The following ZFAT variants were observed in gnomAD, a reference collection of about 807,000 sequenced individuals.
The protein encoded by ZFAT is zinc finger and AT-hook domain containing.
ZFAT carries 64 observed loss-of-function variants against 117.7 expected under a neutral mutation model. The ratio of observed to expected loss-of-function variants is 0.54; its 90% CI spans 0.44 to 0.67. ZFAT has a LOEUF of 0.67. Ranked by LOEUF, ZFAT falls within the 30% of genes least tolerant of loss-of-function variation. The pLI is 0.00. For synonymous variants in ZFAT, 679 were observed against 615.0 expected, an observed-to-expected ratio of 1.10 and a Z score of -1.54; for missense variants, 1,433 against 1,584.5, an observed-to-expected ratio of 0.90 and a Z score of 1.62.
chr8:134,755,245 A>C, the ZFAT span, among the ~76,000 whole-genome samples: 1 of 121,826 alleles, frequency 8.2e-6, no homozygotes, highest in Non-Finnish European at 1.8e-5. Flanking sequence ...CTCTACTAAA[A>C]TACAAAAAAA....
At chr8:134,663,259 G>A (rs866033440) in intron 1 of ZFAT, among the ~76,000 whole-genome samples, 3 of 152,194 alleles carry the variant, frequency 2.0e-5, no homozygotes, top group African/African-American at 7.2e-5. Context: ...TACAGCCACT[G>A]AAAATCATAT....
At chr8:134,710,265 G>C (rs111314229) in intron 1 of ZFAT, among the ~76,000 whole-genome samples, 7 of 152,216 alleles carry the variant, frequency 4.6e-5, no homozygotes, top group Non-Finnish European at 1.0e-4. Flanking sequence ...CCAGAGGATA[G>C]GAAGGAAGGG....
chr8:134,781,934 G>A, the ZFAT span, among the ~76,000 whole-genome samples: 2 of 152,212 alleles, frequency 1.3e-5, no homozygotes, highest in Non-Finnish European at 2.9e-5. Flanking sequence ...CCAAGTATGT[G>A]TTAATAGACT....
At chr8:134,552,974 C>A (rs1823289006) in intron 11 of ZFAT, among the ~76,000 whole-genome samples, 2 of 152,240 alleles carry the variant, frequency 1.3e-5, no homozygotes, top group Admixed American at 1.3e-4. Flanking sequence ...AAAGGGCAAA[C>A]TTCCTCCAGT....
intron 11 of ZFAT, among the ~76,000 whole-genome samples, chr8:134,543,772 G>A (rs756536315): frequency 6.6e-6 from 1 of 152,068 alleles, no homozygotes; most frequent in Non-Finnish European, 1.5e-5. Flanking sequence ...AGTTGATCAC[G>A]TTGGATTCAA....
chr8:134,712,821 ACCCC>A lies in ZFAT; in HGVS notation c.19+20_19+23del. 4 of 669,026 alleles carry A rather than the reference ACCCC, an allele frequency of 6.0e-6. No homozygotes were observed. Among genetic ancestry groups the A allele is most frequent in the Non-Finnish European group, 8.0e-6 (4 of 497,704 alleles). The allele number at this position is 669,026 out of a possible 1,614,324, so 41.4% of individuals were successfully genotyped here. ...CCGCGCCCCACCCCCACCCCGTCTC[ACCCC>A]AACCCCCAGCCCGGCTCACCTGCCG... On this transcript the variant is annotated intron_variant, in intron 1 of 15. Transcript: ENST00000377838.
the ZFAT span, chr8:134,796,270 C>T: frequency 3.9e-5 from 6 of 152,276 alleles, no homozygotes; most frequent in East Asian, 1.9e-4. Flanking sequence ...AATCACAAAC[C>T]GCTAACTGCT....
At chr8:134,582,742 A>C (rs1825793418) in intron 10 of ZFAT, among the ~76,000 whole-genome samples, 1 of 152,086 alleles carries the variant, frequency 6.6e-6, no homozygotes, top group Non-Finnish European at 1.5e-5. Flanking sequence ...AGCTCACCTG[A>C]ATACTTGCCA....
chr8:134,602,487 C>T lies in ZFAT; in HGVS notation c.1232G>A (p.Arg411His), dbSNP rs780842427. The change falls in exon 6 of 16, where the codon CGC becomes CAC. Residue 411 changes from arginine to histidine, a missense_variant. Arg to His is a conservative substitution (Grantham distance 29). Around this residue, in one of 5 missense-constraint regions of ZFAT, gnomAD observed 73 missense variants for 122.0 expected, o/e 0.60. Transcript: ENST00000377838. ...QLLYDCHICE[R>H]KFKNELDRDR... ...ACGGTCCAGCTCGTTCTTGAACTTG[C>T]GCTCACAGATGTGGCAGTCATAGAG... is the stretch of plus-strand genomic sequence containing the variant. 6 of 1,613,692 alleles carry T rather than the reference C, an allele frequency of 3.7e-6. No individual in the cohort carries two copies. Among genetic ancestry groups the T allele is most frequent in the East Asian group, 2.2e-5 (1 of 44,888 alleles).
At chr8:134,697,078 T>C (rs377039869) in intron 1 of ZFAT, among the ~76,000 whole-genome samples, 1 of 151,124 alleles carries the variant, frequency 6.6e-6, no homozygotes, top group African/African-American at 2.4e-5. Flanking sequence ...CCGCCACATC[T>C]GGCTAATTGT....
rs137893663 is a variant in ZFAT, at chr8:134,640,394, G to A, written c.197-2682C>T. On this transcript the variant is annotated intron_variant, in intron 2 of 15. Transcript: ENST00000377838. ...TTGAGTTTGGCAAACTTACTATTGC[G>A]GGGTAGCCAGTGTTTTCTCCACACA... 3.2e-3 allele frequency among the ~76,000 whole-genome samples: 490 copies of A among 152,242 alleles called. 2 individuals carry two copies. Among genetic ancestry groups the A allele is most frequent in the African/African-American group, 0.011 (443 of 41,550 alleles).
the ZFAT span, among the ~76,000 whole-genome samples, chr8:134,831,155 T>C: frequency 6.6e-6 from 1 of 152,216 alleles, no homozygotes; most frequent in African/African-American, 2.4e-5. Flanking sequence ...TGTCCTCCTA[T>C]TTTGTTCCCA....
chr8:134,513,964 CG>C (rs1267384833), intron 13 of ZFAT, among the ~76,000 whole-genome samples: 8 of 152,162 alleles, frequency 5.3e-5, no homozygotes. Context: ...ACAGATTAGC[CG>C]ACAGTAGATC....
chr8:134,809,066 T>G, the ZFAT span, among the ~76,000 whole-genome samples: 1 of 152,228 alleles, frequency 6.6e-6, no homozygotes, highest in Non-Finnish European at 1.5e-5. Context: ...CCTTTGGTGT[T>G]ATTGGTGCTT....
rs1819670180 is a variant in ZFAT, at chr8:134,509,715, C to T, written c.3396G>A (p.Leu1132=). The T allele has an allele frequency of 6.2e-7, 1 of 1,611,118 alleles. No individual in the cohort carries two copies. Among genetic ancestry groups the T allele is most frequent in the Non-Finnish European group, 8.5e-7 (1 of 1,179,082 alleles). The change falls in exon 15 of 16, where the codon CTG becomes CTA. Residue 1132 remains leucine, a synonymous_variant. Transcript: ENST00000377838. ...DRLDPTAVNI[L]QQIIELGAET... The stretch of plus-strand genomic sequence containing the variant: ...CGGCGCCCAGCTCAATGATCTGCTG[C>T]AGGATGTTCACGGCCGTGGGGTCCA...
At chr8:134,479,007 C>CA (rs1817100852) in intron 15 of ZFAT, among the ~76,000 whole-genome samples, 1 of 152,116 alleles carries the variant, frequency 6.6e-6, no homozygotes, top group Non-Finnish European at 1.5e-5. Flanking sequence ...CGAGCTGCTT[C>CA]CCGGGGCTTC....
rs1402981378 is a variant in ZFAT at position 134,600,639 on chromosome 8, C to G, written c.2272G>C (p.Asp758His). The G allele has an allele frequency of 6.2e-7, 1 of 1,602,210 alleles. No homozygotes were observed. Among genetic ancestry groups the G allele is most frequent in the Non-Finnish European group, 8.5e-7 (1 of 1,171,592 alleles). The change falls in exon 7 of 16, where the codon GAT becomes CAT. Residue 758 changes from aspartate (D) to histidine (H), a missense_variant. This residue lies in a region of ZFAT where 372 missense variants were observed against 355.6 expected (regional missense o/e 1.05). Coordinates refer to ENST00000377838, the MANE Select transcript of ZFAT (RefSeq NM_020863.4). ...GKLFWYQVHFDMHVRTHTREH... is the reference protein window; with the variant it reads ...GKLFWYQVHFHMHVRTHTREH... ...CGGGTGTGGGTGCGGACATGCATAT[C>G]AAAATGCACTTGGTACCAAAAAAGT...
chr8:134,788,056 G>A, the ZFAT span, among the ~76,000 whole-genome samples: 3 of 152,082 alleles, frequency 2.0e-5, no homozygotes, highest in Non-Finnish European at 2.9e-5. Context: ...CAGGCCTTAC[G>A]TTATTGGCTA....
intron 1 of ZFAT, chr8:134,696,661 C>A: frequency 1.0e-6 from 1 of 963,654 alleles, no homozygotes; most frequent in Non-Finnish European, 1.2e-6. Flanking sequence ...GGCATCCTGC[C>A]GCCACAGAGG....
Sources: gnomAD v4.1 joint callset for allele counts (sites outside exome capture counted in the v4.1 genomes callset) on GRCh38, gnomAD v4.1.1 for gene constraint, gnomAD v4.1.1 regional missense constraint, MANE v1.5 for transcripts, NCBI Gene and HGNC (gene_info 2026-07-23, HGNC 2026-07-21) for gene names.